The following ARHGAP26 variants were observed in gnomAD, a reference collection of about 807,000 sequenced individuals.
ARHGAP26 encodes the protein rho GTPase-activating protein 26.
ARHGAP26 carries 38 observed loss-of-function variants against 104.8 expected under a neutral mutation model. That is an observed-to-expected ratio of 0.36 (90% CI 0.28 to 0.48). The LOEUF is 0.48. Ranked by LOEUF, ARHGAP26 falls within the 20% of genes least tolerant of loss-of-function variation. The pLI, the probability that ARHGAP26 is intolerant of heterozygous loss-of-function variation, is 0.99. For synonymous variants in ARHGAP26, 341 were observed against 340.0 expected, an observed-to-expected ratio of 1.00 and a Z score of -0.03; for missense variants, 704 against 947.9, an observed-to-expected ratio of 0.74 and a Z score of 3.38.
chr5:143,104,615 T>C (rs1424132587), intron 17 of ARHGAP26, among the ~76,000 whole-genome samples: 1 of 152,180 alleles, frequency 6.6e-6, no homozygotes, highest in Non-Finnish European at 1.5e-5. Flanking sequence ...TTTGTGTACA[T>C]AGAGATTCAC....
At chr5:142,990,328 C>T (rs1482547711) in intron 11 of ARHGAP26, among the ~76,000 whole-genome samples, 4 of 152,182 alleles carry the variant, frequency 2.6e-5, no homozygotes, top group Non-Finnish European at 5.9e-5. Context: ...GTCTTCTCTA[C>T]ACAGTTTATT....
intron 19 of ARHGAP26, among the ~76,000 whole-genome samples, chr5:143,135,852 G>T (rs1308861048): frequency 5.3e-5 from 8 of 152,206 alleles, no homozygotes; most frequent in African/African-American, 1.9e-4. Flanking sequence ...ACAGTAGCCT[G>T]TGTTCCTTTT....
At chr5:143,116,825 C>A (rs1319001407) in intron 17 of ARHGAP26, among the ~76,000 whole-genome samples, 2 of 152,190 alleles carry the variant, frequency 1.3e-5, no homozygotes, top group African/African-American at 4.8e-5. Flanking sequence ...GAATCCAGTT[C>A]ATGCGGGAAC....
chr5:143,097,360 G>GAAAAAAAAA (rs56116431), intron 17 of ARHGAP26, among the ~76,000 whole-genome samples: 17 of 63,244 alleles, frequency 2.7e-4, no homozygotes, highest in Non-Finnish European at 4.8e-4. Context: ...TCAAAAAAAA[G>GAAAAAAAAA]AAAAAAAAAA....
intron 1 of ARHGAP26, among the ~76,000 whole-genome samples, chr5:142,867,433 T>A (rs1754512049): frequency 6.6e-6 from 1 of 152,082 alleles, no homozygotes; most frequent in Admixed American, 6.5e-5. Context: ...CGAACTAGGT[T>A]TAAACTGCTA....
chr5:143,005,308 G>A (rs927967417), intron 11 of ARHGAP26, among the ~76,000 whole-genome samples: 9 of 152,190 alleles, frequency 5.9e-5, no homozygotes, highest in African/African-American at 2.2e-4. Flanking sequence ...TGTGGTAGCC[G>A]AAGTTGGCCT....
chr5:143,082,213 A>G (rs1238739116), intron 17 of ARHGAP26, among the ~76,000 whole-genome samples: 1 of 152,084 alleles, frequency 6.6e-6, no homozygotes, highest in Non-Finnish European at 1.5e-5. Context: ...TTCAGCCTTG[A>G]CACTTGTCCC....
chr5:142,833,648 C>T (rs993037790), intron 1 of ARHGAP26, among the ~76,000 whole-genome samples: 4 of 152,072 alleles, frequency 2.6e-5, no homozygotes, highest in Non-Finnish European at 4.4e-5. Flanking sequence ...TCCTACCTAC[C>T]GCTGATATTT....
intron 20 of ARHGAP26, chr5:143,169,579 A>G (rs181859701): frequency 6.6e-6 from 1 of 152,316 alleles, no homozygotes; most frequent in Non-Finnish European, 1.5e-5. Flanking sequence ...GCTGAGCCTA[A>G]TTTCTGTTGG....
At chr5:142,831,199 C>T (rs58728915) in intron 1 of ARHGAP26, among the ~76,000 whole-genome samples, 15,172 of 152,160 alleles carry the variant, frequency 0.1, 1,456 homozygotes, top group African/African-American at 0.25. Flanking sequence ...CCACTGATCA[C>T]GATGGAGCCA....
intron 11 of ARHGAP26, among the ~76,000 whole-genome samples, chr5:142,958,792 G>T (rs1769675830): frequency 6.6e-6 from 1 of 151,800 alleles, no homozygotes; most frequent in Non-Finnish European, 1.5e-5. Flanking sequence ...ACATAGGCCG[G>T]GTGCAGTGGC....
intron 4 of ARHGAP26, among the ~76,000 whole-genome samples, chr5:142,882,362 T>C (rs1235362259): frequency 6.6e-6 from 1 of 152,222 alleles, no homozygotes; most frequent in Non-Finnish European, 1.5e-5. Context: ...AGGTTGGTCA[T>C]GTAGTCATTC....
chr5:142,805,982 A>T (rs1332572595), intron 1 of ARHGAP26, among the ~76,000 whole-genome samples: 1 of 152,202 alleles, frequency 6.6e-6, no homozygotes, highest in Non-Finnish European at 1.5e-5. Context: ...TCTGAGAAAA[A>T]TGTGGACAGT....
chr5:142,937,523 C>G (rs1765608264), intron 11 of ARHGAP26, among the ~76,000 whole-genome samples: 1 of 152,196 alleles, frequency 6.6e-6, no homozygotes, highest in Non-Finnish European at 1.5e-5. Context: ...TACTCTATGA[C>G]ACAGCAATTG....
intron 1 of ARHGAP26, among the ~76,000 whole-genome samples, chr5:142,845,085 C>G (rs934673416): frequency 2.6e-5 from 4 of 152,092 alleles, no homozygotes; most frequent in African/African-American, 9.7e-5. Context: ...GAACAAGCAC[C>G]AGGAATATCC....
At position 143,029,995 on chromosome 5, in the gene ARHGAP26, T is replaced by C. The variant is rs558757867; in HGVS notation, c.1145-7201T>C. Among the ~76,000 whole-genome samples, 3 of 152,126 alleles carry C rather than the reference T, an allele frequency of 2.0e-5. No individual in the cohort carries two copies. In the South Asian group the frequency reaches 6.3e-4, roughly 32 times the overall value. On this transcript the variant is annotated intron_variant, in intron 12 of 22. Coordinates refer to ENST00000645722, the MANE Select transcript of ARHGAP26 (RefSeq NM_001135608.3). Reference sequence around the variant, plus strand: ...TCCAGGGATGCAGGCATGGGGTCGTTTGGGGGCATGTCCTAGTGTGCTGTT... The same window carrying C: ...TCCAGGGATGCAGGCATGGGGTCGTCTGGGGGCATGTCCTAGTGTGCTGTT...
At chr5:143,089,051 G>C (rs949035936) in intron 17 of ARHGAP26, among the ~76,000 whole-genome samples, 3 of 152,178 alleles carry the variant, frequency 2.0e-5, no homozygotes, top group Non-Finnish European at 2.9e-5. Flanking sequence ...AAGTTTAAAA[G>C]TAGAAGGCAA....
chr5:143,041,564 T>G (rs1783466542), intron 13 of ARHGAP26: 1 of 379,130 alleles, frequency 2.6e-6, no homozygotes, highest in Non-Finnish European at 5.1e-6. Context: ...AAAGGAAAGC[T>G]TCTTTCGCCG....
At chr5:143,172,918 T>A in intron 20 of ARHGAP26, 1 of 177,246 alleles carries the variant, frequency 5.6e-6, no homozygotes, top group East Asian at 9.5e-5. Context: ...GAGGCATAGA[T>A]CATGTTTTAT....
Sources: gnomAD v4.1 joint callset for allele counts (sites outside exome capture counted in the v4.1 genomes callset) on GRCh38, gnomAD v4.1.1 for gene constraint, MANE v1.5 for transcripts, NCBI Gene and HGNC (gene_info 2026-07-23, HGNC 2026-07-21) for gene names.